The following DNM3 variants were observed in gnomAD, a reference collection of about 807,000 sequenced individuals.
DNM3 encodes the protein dynamin-3.
DNM3 carries 47 observed loss-of-function variants against 101.6 expected under a neutral mutation model. That is an observed-to-expected ratio of 0.46 (90% confidence interval 0.37 to 0.59). The LOEUF is 0.59. Among genes scored for constraint, DNM3 ranks in the 20% least tolerant of loss-of-function variants. The pLI, the probability that DNM3 is intolerant of heterozygous loss-of-function variation, is 0.00. For synonymous variants in DNM3, 385 were observed against 387.9 expected, an observed-to-expected ratio of 0.99 and a Z score of 0.09; for missense variants, 849 against 1,085.7, an observed-to-expected ratio of 0.78 and a Z score of 3.06.
At chr1:172,057,266 C>T (rs1440913708) in intron 10 of DNM3, among the ~76,000 whole-genome samples, 3 of 152,230 alleles carry the variant, frequency 2.0e-5, no homozygotes, top group Non-Finnish European at 4.4e-5. Context: ...TTGGAAAACA[C>T]TCTGCAAGAT....
At chr1:172,047,935 C>G (rs867253142) in intron 9 of DNM3, among the ~76,000 whole-genome samples, 4 of 152,044 alleles carry the variant, frequency 2.6e-5, no homozygotes, top group Admixed American at 6.6e-5. Flanking sequence ...CTCTACTGAC[C>G]TTTTGTTTAA....
intron 10 of DNM3, among the ~76,000 whole-genome samples, chr1:172,061,830 C>G (rs528839133): frequency 7.3e-5 from 11 of 151,628 alleles, no homozygotes; most frequent in Admixed American, 3.3e-4. Context: ...CACATGTACC[C>G]TAAAACTTAA....
chr1:172,001,318 A>G (rs141246399), intron 4 of DNM3, among the ~76,000 whole-genome samples: 123 of 152,104 alleles, frequency 8.1e-4, no homozygotes, highest in Middle Eastern at 3.4e-3. Flanking sequence ...TAGCAGTGTC[A>G]CTGACATCTG....
chr1:172,190,310 G>T (rs2059668219), intron 14 of DNM3, among the ~76,000 whole-genome samples: 1 of 152,020 alleles, frequency 6.6e-6, no homozygotes, highest in Non-Finnish European at 1.5e-5. Flanking sequence ...ATGGTATCCA[G>T]CTCCATCCAT....
chr1:171,897,108 T>C (rs2037884292), intron 1 of DNM3, among the ~76,000 whole-genome samples: 1 of 152,166 alleles, frequency 6.6e-6, no homozygotes. Flanking sequence ...ATGTGTAACA[T>C]TGCGTTAGGG....
intron 11 of DNM3, among the ~76,000 whole-genome samples, chr1:172,076,270 A>T (rs1031292192): frequency 6.6e-6 from 1 of 152,196 alleles, no homozygotes; most frequent in African/African-American, 2.4e-5. Flanking sequence ...AAGAGAGACA[A>T]TTTAACTTCC....
intron 1 of DNM3, among the ~76,000 whole-genome samples, chr1:171,870,111 G>T (rs1404005569): frequency 6.6e-6 from 1 of 152,122 alleles, no homozygotes; most frequent in Non-Finnish European, 1.5e-5. Flanking sequence ...AACTAGGTCT[G>T]GTGGCTTGCT....
At chr1:172,204,217 G>C (rs1226438146) in intron 14 of DNM3, among the ~76,000 whole-genome samples, 2 of 151,926 alleles carry the variant, frequency 1.3e-5, no homozygotes, top group African/African-American at 4.8e-5. Context: ...GCATATTTTT[G>C]GTATGTTTTA....
At chr1:172,311,435 T>C (rs767451364) in intron 16 of DNM3, among the ~76,000 whole-genome samples, 4 of 152,070 alleles carry the variant, frequency 2.6e-5, no homozygotes, top group Non-Finnish European at 5.9e-5. Context: ...CTAGACAAGT[T>C]TGCCATTTAA....
intron 4 of DNM3, among the ~76,000 whole-genome samples, chr1:172,022,726 A>T (rs1329267537): frequency 6.6e-6 from 1 of 151,960 alleles, no homozygotes; most frequent in Non-Finnish European, 1.5e-5. Flanking sequence ...CCATATTTCT[A>T]TGTAATCTGT....
chr1:172,190,500 T>A (rs2059677961), intron 14 of DNM3, among the ~76,000 whole-genome samples: 1 of 152,334 alleles, frequency 6.6e-6, no homozygotes, highest in Admixed American at 6.5e-5. Flanking sequence ...TATAGCAGCA[T>A]GATTTATAAT....
At chr1:172,104,385 T>C (rs1241316162) in intron 13 of DNM3, among the ~76,000 whole-genome samples, 1 of 152,104 alleles carries the variant, frequency 6.6e-6, no homozygotes, top group African/African-American at 2.4e-5. Flanking sequence ...ACTTCTGTCT[T>C]CTTAAACCAC....
At chr1:172,028,278 C>G (rs1572154706) in intron 4 of DNM3, among the ~76,000 whole-genome samples, 1 of 152,286 alleles carries the variant, frequency 6.6e-6, no homozygotes, top group East Asian at 1.9e-4. Flanking sequence ...GAAAACCACA[C>G]AACGTCATGG....
At chr1:172,293,562 A>T (rs2148823706) in intron 15 of DNM3, among the ~76,000 whole-genome samples, 1 of 152,344 alleles carries the variant, frequency 6.6e-6, no homozygotes, top group East Asian at 1.9e-4. Context: ...TGGGTTATCT[A>T]TACAGCTACA....
At chr1:172,220,589 G>C (rs1285787545) in intron 14 of DNM3, among the ~76,000 whole-genome samples, 1 of 151,976 alleles carries the variant, frequency 6.6e-6, no homozygotes, top group Non-Finnish European at 1.5e-5. Context: ...TCACAGAGGC[G>C]GATGGGAAAG....
At chr1:172,025,006 C>T (rs1362891710) in intron 4 of DNM3, among the ~76,000 whole-genome samples, 2 of 152,220 alleles carry the variant, frequency 1.3e-5, no homozygotes, top group Admixed American at 6.5e-5. Context: ...TGGTCTAGCT[C>T]AGCGGATCTC....
chr1:172,023,877 T>C (rs1398062766), intron 4 of DNM3, among the ~76,000 whole-genome samples: 1 of 151,790 alleles, frequency 6.6e-6, no homozygotes, highest in East Asian at 1.9e-4. Context: ...TACTTCTTTT[T>C]TTTTTCTTTC....
chr1:172,045,065 G>A (rs2049682632), intron 9 of DNM3, among the ~76,000 whole-genome samples: 1 of 151,960 alleles, frequency 6.6e-6, no homozygotes, highest in East Asian at 1.9e-4. Context: ...AGGCAAAGAG[G>A]TGAGCGGGCA....
chr1:172,232,221 A>G (rs1021463798), intron 14 of DNM3, among the ~76,000 whole-genome samples: 18 of 152,174 alleles, frequency 1.2e-4, no homozygotes, highest in African/African-American at 4.3e-4. Context: ...AAAACAAAAA[A>G]AGGCAGGGGT....
Sources: allele counts gnomAD v4.1 joint callset (sites outside exome capture counted in the v4.1 genomes callset), GRCh38; gene constraint gnomAD v4.1.1; transcripts MANE v1.5; gene names NCBI Gene and HGNC (gene_info 2026-07-23, HGNC 2026-07-21).